ASB10: variants seen among roughly 807,000 people sequenced by gnomAD.
ASB10 encodes ankyrin repeat and SOCS box protein 10.
Under a neutral mutation model 35.4 loss-of-function variants are expected in ASB10, and 44 were observed. The observed-to-expected ratio is 1.24, with a 90% CI of 0.98 to 1.60. The LOEUF (loss-of-function observed/expected upper bound fraction) is 1.60. Ranked by LOEUF, ASB10 falls within the 40% of genes most tolerant of loss-of-function variation. The pLI is 0.00. For missense variants in ASB10, 647 were observed against 634.3 expected (o/e 1.02, Z -0.22); for synonymous variants, 294 against 280.4 (o/e 1.05, Z -0.49).
At chr7:151,177,408 G>C (rs1487806296) in intron 3 of ASB10, among the ~76,000 whole-genome samples, 1 of 152,256 alleles carries the variant, frequency 6.6e-6, no homozygotes, top group Non-Finnish European at 1.5e-5. Context: ...GTCCAGGCCT[G>C]GAAGCGTGAC....
intron 3 of ASB10, among the ~76,000 whole-genome samples, chr7:151,179,647 C>A (rs1445800283): frequency 1.3e-5 from 2 of 152,218 alleles, no homozygotes; most frequent in African/African-American, 4.8e-5. Context: ...AGGACAGAAA[C>A]CCCTCAGCTG....
Position 151,181,331 on chromosome 7 carries a change from C to T in ASB10, c.712G>A (p.Gly238Arg), listed in dbSNP as rs1448233333. ...VELADLLLRR[G>R]ACPDARNAEG... ...GCATTGCGGGCATCAGGACATGCCC[C>T]CCGTCTTAGAAGCAGATCTGCCAGC... The change falls in exon 3 of 6, where the codon GGG (glycine) becomes AGG (arginine). Residue 238 changes from glycine (G) to arginine (R), a missense_variant. By Grantham distance (125) the Gly-to-Arg change is moderately radical. Coordinates refer to ENST00000420175, the MANE Select transcript of ASB10 (RefSeq NM_001142459.2). The T allele has an allele frequency of 2.5e-6, 4 of 1,613,066 alleles. No individual in the cohort carries two copies. Among genetic ancestry groups the T allele is most frequent in the African/African-American group, 2.7e-5 (2 of 74,920 alleles).
intron 4 of ASB10, 52 bp downstream of exon 4, chr7:151,176,511 G>C (rs764552895): frequency 3.8e-5 from 57 of 1,512,546 alleles, no homozygotes; most frequent in African/African-American, 3.2e-4. Context: ...TAGCGGGTGG[G>C]AGTCTTGGGA....
chr7:151,185,241 C>T (rs1051354579), intron 2 of ASB10, among the ~76,000 whole-genome samples: 1 of 151,146 alleles, frequency 6.6e-6, no homozygotes, highest in African/African-American at 2.4e-5. Context: ...GCCTCAGCCT[C>T]CCGAGTCGCT....
intron 3 of ASB10, among the ~76,000 whole-genome samples, chr7:151,177,205 C>T (rs576017551): frequency 1.9e-4 from 29 of 152,374 alleles, no homozygotes; most frequent in African/African-American, 7.0e-4. Context: ...GCCAATACAG[C>T]AGCTAACCTT....
At position 151,181,431 on chromosome 7, in the gene ASB10, TCCAAA is replaced by T; in HGVS notation, c.607_611del (p.Phe203SerfsTer38). ...CCTCGGACCGACCATCCACTCTCGC[TCCAAA>T]CCTGAGGAGCAGCTCCGCACACCTA... On this transcript the variant is annotated frameshift_variant, in exon 3 of 6. Transcript: ENST00000420175. LOFTEE classifies it high-confidence loss of function. The T allele has an allele frequency of 6.2e-7, 1 of 1,603,340 alleles. No homozygotes were observed. The highest frequency in any genetic ancestry group is 8.5e-7 in the Non-Finnish European group (1 of 1,173,224).
chr7:151,184,409 AAAAAG>A (rs1219307515), intron 2 of ASB10, among the ~76,000 whole-genome samples: 1 of 151,940 alleles, frequency 6.6e-6, no homozygotes, highest in Non-Finnish European at 1.5e-5. Flanking sequence ...TAAAAAAAAA[AAAAAG>A]AAAGGAAGGA....
intron 2 of ASB10, among the ~76,000 whole-genome samples, chr7:151,183,082 C>G (rs541582348): frequency 6.6e-6 from 1 of 152,158 alleles, no homozygotes; most frequent in Non-Finnish European, 1.5e-5. Flanking sequence ...CTGTGGCTAT[C>G]GAGTTCTTGA....
intron 1 of ASB10, 31 bp downstream of exon 1, chr7:151,186,784 C>T: frequency 6.5e-7 from 1 of 1,549,662 alleles, no homozygotes; most frequent in Non-Finnish European, 8.7e-7. Flanking sequence ...CCCTCTCTCC[C>T]ACTGAGAGCC....
intron 3 of ASB10, among the ~76,000 whole-genome samples, chr7:151,178,666 T>TC (rs1801433001): frequency 6.6e-6 from 1 of 152,184 alleles, no homozygotes; most frequent in Non-Finnish European, 1.5e-5. Context: ...AGGAGACCCT[T>TC]CTGTCTGTCA....
chr7:151,186,778 C>A, intron 1 of ASB10, 37 bp downstream of exon 1: 1 of 1,544,334 alleles, frequency 6.5e-7, no homozygotes, highest in Non-Finnish European at 8.8e-7. Flanking sequence ...AGCCTCCCCT[C>A]TCTCCCACTG....
At chr7:151,187,390 C>T, upstream of ASB10, 1 of 1,549,388 alleles carries the variant, frequency 6.5e-7, no homozygotes, top group Non-Finnish European at 8.7e-7. The surrounding 1 kb of genome is among the most constrained non-coding windows in gnomAD (Gnocchi z 5.3). Flanking sequence ...CCCTTAGGAC[C>T]TCTGTGGCCG....
intron 4 of ASB10, 54 bp from the exon 5 acceptor site, chr7:151,176,351 G>A: frequency 5.3e-6 from 8 of 1,510,000 alleles, no homozygotes; most frequent in Non-Finnish European, 7.1e-6. Flanking sequence ...GGTAGCACCG[G>A]CTCCTCCTCA....
intron 3 of ASB10, 126 bp from the exon 4 acceptor site, chr7:151,176,802 C>G (rs1801398530): frequency 3.1e-6 from 2 of 649,212 alleles, no homozygotes; most frequent in Non-Finnish European, 5.4e-6. Context: ...CCCCCTGTAC[C>G]TATGAATGGG....
In ASB10 at chr7:151,180,969, G is replaced by A. The variant is rs756271428; in HGVS notation, c.1074C>T (p.Ala358=). 5.0e-5 allele frequency: 79 copies of A among 1,569,300 alleles called. No homozygotes were observed. Among genetic ancestry groups the A allele is most frequent in the Non-Finnish European group, 5.4e-5 (62 of 1,152,402 alleles). ...HVVRALLNHG[A]VRVWPGALPK... is the part of the protein sequence containing the mutation. Reference sequence around the variant, plus strand: ...GGAGGGCCCCTGGCCAGACACGGACGGCGCCATGGTTGAGCAGAGCCCGAA... The same window carrying A: ...GGAGGGCCCCTGGCCAGACACGGACAGCGCCATGGTTGAGCAGAGCCCGAA... Residue 358 remains alanine (A), a synonymous_variant, in exon 3 of 6, where the codon GCC becomes GCT. Coordinates refer to ENST00000420175, the MANE Select transcript of ASB10 (RefSeq NM_001142459.2).
chr7:151,182,051 A>T (rs1383019864), intron 2 of ASB10, among the ~76,000 whole-genome samples: 1 of 152,202 alleles, frequency 6.6e-6, no homozygotes, highest in Non-Finnish European at 1.5e-5. Flanking sequence ...GTTGTAGCTA[A>T]TTTCATCCTC....
In ASB10 at chr7:151,186,545, C is replaced by A; in HGVS notation, c.431G>T (p.Ser144Ile). Residue 144 changes from serine (S) to isoleucine (I), a missense_variant, in exon 2 of 6, where the codon AGT (serine) becomes ATT (isoleucine). Coordinates refer to ENST00000420175, the MANE Select transcript of ASB10 (RefSeq NM_001142459.2). ...LLLRRRARPD[S>I]APGGRTALHE... ...CAGGGCGGTGCGGCCCCCAGGGGCA[C>A]TGTCTGGCCTTGCTCGCCGCCTCAG... 6.2e-7 allele frequency: 1 copy of A among 1,604,344 alleles called. No homozygotes were observed. The highest frequency in any genetic ancestry group is 8.5e-7 in the Non-Finnish European group (1 of 1,176,152).
chr7:151,184,843 A>T (rs1801557733), intron 2 of ASB10, among the ~76,000 whole-genome samples: 1 of 151,992 alleles, frequency 6.6e-6, no homozygotes, highest in Non-Finnish European at 1.5e-5. Context: ...TAACACTGTG[A>T]AACCGCGTCT....
upstream of ASB10, chr7:151,187,312 AGGTGTAGGCTATTGG>A (rs773953818): frequency 4.6e-6 from 7 of 1,508,672 alleles, 1 homozygote; most frequent in African/African-American, 4.2e-5. This position sits in a 1 kb window ranked among gnomAD's most constrained non-coding sequence, Gnocchi z 5.3. Flanking sequence ...TCTTGGGCCA[AGGTGTAGGCTATTGG>A]GCAAGCTTTG....
Sources: allele counts gnomAD v4.1 joint callset (sites outside exome capture counted in the v4.1 genomes callset), GRCh38; gene constraint gnomAD v4.1.1; non-coding constraint Gnocchi (gnomAD v3.1); transcripts MANE v1.5; gene names NCBI Gene and HGNC (gene_info 2026-07-23, HGNC 2026-07-21).